TMEM74: variants seen among roughly 807,000 people sequenced by gnomAD.
TMEM74 encodes transmembrane protein 74.
In TMEM74, 13 loss-of-function variants were observed where a neutral mutation model predicts 18.1. The ratio of observed to expected loss-of-function variants is 0.72; its 90% CI spans 0.47 to 1.14. The LOEUF (loss-of-function observed/expected upper bound fraction) is 1.14. Ranked by LOEUF, TMEM74 falls within the 50% of genes most tolerant of loss-of-function variation. The pLI is 0.00. For synonymous variants in TMEM74, 159 were observed against 146.6 expected (o/e 1.08, Z -0.61); for missense variants, 372 against 375.9 (o/e 0.99, Z 0.09).
chr8:108,608,808 A>C (rs752237767), exon 3 of TMEM74: 1 of 152,152 alleles, frequency 6.6e-6, no homozygotes, highest in African/African-American at 2.4e-5. Flanking sequence ...GGAATCAAAC[A>C]TCCTTCACTG....
chr8:108,665,668 G>T (rs1278790715), intron 1 of TMEM74, among the ~76,000 whole-genome samples: 1 of 152,148 alleles, frequency 6.6e-6, no homozygotes, highest in Admixed American at 6.6e-5. Context: ...TAATGTGGTT[G>T]TCTAAGTGTG....
At chr8:108,741,033 A>G (rs558033196) in intron 1 of TMEM74, among the ~76,000 whole-genome samples, 1 of 152,360 alleles carries the variant, frequency 6.6e-6, no homozygotes, top group South Asian at 2.1e-4. Flanking sequence ...CAGCTATGTG[A>G]AACAATATAG....
intron 1 of TMEM74, among the ~76,000 whole-genome samples, chr8:108,665,347 G>A (rs1237183572): frequency 6.6e-6 from 1 of 152,120 alleles, no homozygotes; most frequent in African/African-American, 2.4e-5. Context: ...CCTTGTTATA[G>A]GGAGTGTGAG....
At chr8:108,741,651 A>T (rs560974025) in intron 1 of TMEM74, among the ~76,000 whole-genome samples, 47 of 152,334 alleles carry the variant, frequency 3.1e-4, no homozygotes, top group Non-Finnish European at 5.7e-4. Flanking sequence ...CTAATCAAAA[A>T]TATACAAATT....
intron 1 of TMEM74, among the ~76,000 whole-genome samples, chr8:108,751,415 C>T (rs1271390558): frequency 6.6e-6 from 1 of 152,046 alleles, no homozygotes; most frequent in Non-Finnish European, 1.5e-5. Context: ...AATTTGAATC[C>T]TGGCTCTGTT....
chr8:108,637,159 T>A (rs1251369864), intron 2 of TMEM74, among the ~76,000 whole-genome samples: 1 of 152,142 alleles, frequency 6.6e-6, no homozygotes, highest in Admixed American at 6.6e-5. Flanking sequence ...TCCAGATGCA[T>A]GCAGAATGCA....
chr8:108,622,513 G>A (rs1812453983), intron 2 of TMEM74, among the ~76,000 whole-genome samples: 1 of 152,086 alleles, frequency 6.6e-6, no homozygotes, highest in Non-Finnish European at 1.5e-5. Context: ...TGTATACTTA[G>A]GGTGGCTTTA....
chr8:108,767,096 T>A (rs112302647), intron 1 of TMEM74, among the ~76,000 whole-genome samples: 2,735 of 152,290 alleles, frequency 0.018, 88 homozygotes, highest in African/African-American at 0.062. Context: ...AGACGCATCC[T>A]GGAATAATAC....
chr8:108,747,887 A>G (rs1277545915), intron 1 of TMEM74, among the ~76,000 whole-genome samples: 1 of 152,146 alleles, frequency 6.6e-6, no homozygotes, highest in Non-Finnish European at 1.5e-5. Flanking sequence ...TGCAAAGGAC[A>G]TGATCTCATT....
In TMEM74 at chr8:108,689,869, C is replaced by A. The variant is rs1362780729; in HGVS notation, n.120-34432G>T. On this transcript the variant is annotated intron_variant and non_coding_transcript_variant, in intron 1 of 3. Transcript: ENST00000518838. ...GTTGGTGTTGTTCTTCCCACTTCAC[C>A]CCCTCCTCTCCATTTCTCCAGAAGC... Among the ~76,000 whole-genome samples the A allele has an allele frequency of 2.6e-5, 4 of 152,038 alleles. No individual in the cohort carries two copies. The South Asian group carries it at 8.3e-4, about 32-fold the overall frequency.
intron 1 of TMEM74, among the ~76,000 whole-genome samples, chr8:108,722,616 A>G (rs1056459372): frequency 1.3e-5 from 2 of 152,184 alleles, no homozygotes; most frequent in Admixed American, 6.5e-5. Flanking sequence ...AATAATGCTT[A>G]CCTTGTTGAT....
chr8:108,779,355 A>G lies in TMEM74; in HGVS notation c.*4826T>C, dbSNP rs1433543518. Among the ~76,000 whole-genome samples, 1 of 152,154 alleles carries G rather than the reference A, an allele frequency of 6.6e-6. No homozygotes were observed. The highest frequency in any genetic ancestry group is 2.4e-5 in the African/African-American group (1 of 41,444). ...ACATTTGTTTGGAGCCTGGCTAGGA[A>G]GCCTGAAGATGGCAGTGAAAAAATA... On this transcript the variant is annotated 3_prime_UTR_variant, in exon 2 of 2. Transcript: ENST00000297459.
chr8:108,746,240 T>C (rs745555456), intron 1 of TMEM74, among the ~76,000 whole-genome samples: 1 of 152,190 alleles, frequency 6.6e-6, no homozygotes, highest in African/African-American at 2.4e-5. Flanking sequence ...AGAGTTCCAG[T>C]TGCATTTCCC....
chr8:108,676,977 T>A (rs1295824132), intron 1 of TMEM74, among the ~76,000 whole-genome samples: 1 of 152,250 alleles, frequency 6.6e-6, no homozygotes, highest in East Asian at 1.9e-4. Context: ...AGCCTGGACG[T>A]TGGTCACAGA....
chr8:108,662,022 CCTT>C (rs375284340), intron 1 of TMEM74, among the ~76,000 whole-genome samples: 4 of 152,028 alleles, frequency 2.6e-5, no homozygotes, highest in Non-Finnish European at 4.4e-5. Flanking sequence ...AGATAACAGT[CCTT>C]CTTTTTACAG....
At chr8:108,662,054 T>A (rs1238010603) in intron 1 of TMEM74, among the ~76,000 whole-genome samples, 1 of 151,804 alleles carries the variant, frequency 6.6e-6, no homozygotes, top group East Asian at 1.9e-4. Context: ...AAGATAGAGA[T>A]GGAAAATGAA....
intron 1 of TMEM74, among the ~76,000 whole-genome samples, chr8:108,756,696 G>GAAAGA (rs1471021593): frequency 1.0e-5 from 1 of 97,916 alleles, no homozygotes; most frequent in East Asian, 3.6e-4. Context: ...AAGAAAGAAA[G>GAAAGA]AAGGAAGGAA....
In TMEM74 at chr8:108,780,365, T is replaced by C. The variant is rs1446911233; in HGVS notation, c.*3816A>G. On this transcript the variant is annotated 3_prime_UTR_variant, in exon 2 of 2. Transcript: ENST00000297459. ...CACACGTGAAAGATGAAGACCAAAA[T>C]GTTCACATGCTCCTGCCTAGAATTT... Among the ~76,000 whole-genome samples the C allele has an allele frequency of 6.6e-6, 1 of 152,132 alleles. No individual in the cohort carries two copies. Among genetic ancestry groups the C allele is most frequent in the Non-Finnish European group, 1.5e-5 (1 of 68,016 alleles).
intron 1 of TMEM74, among the ~76,000 whole-genome samples, chr8:108,676,976 G>A (rs1306601979): frequency 2.0e-5 from 3 of 152,208 alleles, no homozygotes; most frequent in South Asian, 2.1e-4. Context: ...TAGCCTGGAC[G>A]TTGGTCACAG....
Sources: allele counts gnomAD v4.1 joint callset (sites outside exome capture counted in the v4.1 genomes callset), GRCh38; gene constraint gnomAD v4.1.1; transcripts MANE v1.5; gene names NCBI Gene and HGNC (gene_info 2026-07-23, HGNC 2026-07-21).